Variants in SNTG1 observed in about 807,000 individuals in gnomAD.
SNTG1 encodes the protein gamma-1-syntrophin.
Under a neutral mutation model 74.7 loss-of-function variants are expected in SNTG1, and 39 were observed. The ratio of observed to expected loss-of-function variants is 0.52; its 90% CI spans 0.40 to 0.68. The LOEUF (loss-of-function observed/expected upper bound fraction) is 0.68. Ranked by LOEUF, SNTG1 falls within the 30% of genes least tolerant of loss-of-function variation. SNTG1 has a pLI of 0.00. For synonymous variants in SNTG1, 254 were observed against 217.1 expected (o/e 1.17, Z -1.49); for missense variants, 685 against 609.5 (o/e 1.12, Z -1.30).
At chr8:50,613,907 A>G (rs972356680) in intron 13 of SNTG1, among the ~76,000 whole-genome samples, 1 of 152,146 alleles carries the variant, frequency 6.6e-6, no homozygotes, top group Non-Finnish European at 1.5e-5. Context: ...TTGTAAAATA[A>G]AACACTCACA....
chr8:50,380,956 C>G (rs1236604727), intron 2 of SNTG1: 1 of 152,114 alleles, frequency 6.6e-6, no homozygotes, highest in Non-Finnish European at 1.5e-5. Context: ...CAGGCTGTTA[C>G]CATTGTTTGT....
chr8:50,627,229 G>A (rs1053719730), intron 13 of SNTG1, among the ~76,000 whole-genome samples: 2 of 152,122 alleles, frequency 1.3e-5, no homozygotes, highest in African/African-American at 2.4e-5. Context: ...GTATTACAAA[G>A]TTGAGTTTTG....
At chr8:49,923,108 T>C (rs1806702787) in intron 1 of SNTG1, among the ~76,000 whole-genome samples, 1 of 152,154 alleles carries the variant, frequency 6.6e-6, no homozygotes, top group African/African-American at 2.4e-5. Flanking sequence ...CTACATACCA[T>C]TCTACCGAAT....
At chr8:49,954,824 T>C (rs966401047) in intron 1 of SNTG1, among the ~76,000 whole-genome samples, 2 of 152,174 alleles carry the variant, frequency 1.3e-5, no homozygotes, top group Non-Finnish European at 2.9e-5. Context: ...ATTGTATTAC[T>C]CCAAAGAAGA....
At chr8:50,714,148 T>A in intron 17 of SNTG1, among the ~76,000 whole-genome samples, 1 of 151,914 alleles carries the variant, frequency 6.6e-6, no homozygotes, top group East Asian at 1.9e-4. Flanking sequence ...TGACTGTAGA[T>A]GTGTGGTGTT....
intron 1 of SNTG1, among the ~76,000 whole-genome samples, chr8:50,136,085 G>T (rs1374015765): frequency 6.6e-6 from 1 of 152,112 alleles, no homozygotes; most frequent in Non-Finnish European, 1.5e-5. Context: ...ACATGATCTT[G>T]TTCCTTTTTT....
intron 1 of SNTG1, among the ~76,000 whole-genome samples, chr8:50,006,714 G>A (rs318919): frequency 0.1 from 15,290 of 152,188 alleles, 2,017 homozygotes; most frequent in African/African-American, 0.3. Flanking sequence ...CCCTACTGAT[G>A]CTGCTTTGGG....
intron 1 of SNTG1, among the ~76,000 whole-genome samples, chr8:49,925,496 G>A (rs1442209461): frequency 6.6e-6 from 1 of 152,118 alleles, no homozygotes; most frequent in Admixed American, 6.5e-5. Flanking sequence ...GGAGTTCTGT[G>A]TGGTTTATCC....
In SNTG1 at chr8:50,780,953, C is replaced by T. The variant is rs532642698; in HGVS notation, c.1396-11718C>T. ...AACATCTTTATTTCTGCCTTTATTT[C>T]ATTACGTACCGAGTAGTCATTCAGG... On this transcript the variant is annotated intron_variant, in intron 18 of 18. Coordinates refer to ENST00000642720, the MANE Select transcript of SNTG1 (RefSeq NM_018967.5). 3.7e-3 allele frequency among the ~76,000 whole-genome samples: 565 copies of T among 152,210 alleles called. 4 individuals carry two copies. Among genetic ancestry groups the T allele is most frequent in the African/African-American group, 0.013 (523 of 41,528 alleles).
At chr8:50,696,053 A>G (rs1355098729) in intron 15 of SNTG1, among the ~76,000 whole-genome samples, 2 of 152,006 alleles carry the variant, frequency 1.3e-5, no homozygotes, top group African/African-American at 4.8e-5. Context: ...ATTGTTTTCC[A>G]TAAAGTTTGT....
intron 1 of SNTG1, among the ~76,000 whole-genome samples, chr8:49,967,561 C>G (rs1041362391): frequency 3.4e-5 from 5 of 147,416 alleles, no homozygotes; most frequent in Non-Finnish European, 5.9e-5. Flanking sequence ...AATATATAAA[C>G]TTTGTTTTAA....
At chr8:50,191,249 T>C (rs2083562596) in intron 2 of SNTG1, among the ~76,000 whole-genome samples, 2 of 140,228 alleles carry the variant, frequency 1.4e-5, no homozygotes, top group Admixed American at 7.1e-5. Flanking sequence ...ATACAGCCAT[T>C]TGGTAATGGT....
intron 2 of SNTG1, among the ~76,000 whole-genome samples, chr8:50,338,146 T>A (rs948073051): frequency 2.1e-3 from 313 of 149,442 alleles, no homozygotes; most frequent in Non-Finnish European, 3.8e-3. Context: ...AAAAAATAAA[T>A]AAATAAAAAT....
At chr8:50,421,089 T>C (rs1040968760) in intron 4 of SNTG1, among the ~76,000 whole-genome samples, 16 of 125,700 alleles carry the variant, frequency 1.3e-4, no homozygotes, top group Non-Finnish European at 2.7e-4. Flanking sequence ...TAAATGAAAG[T>C]AAGGTTTCTA....
intron 1 of SNTG1, among the ~76,000 whole-genome samples, chr8:49,951,895 A>AC (rs1809751399): frequency 6.8e-6 from 1 of 147,060 alleles, no homozygotes; most frequent in African/African-American, 2.5e-5. Flanking sequence ...AAAAAAAAAA[A>AC]AAAAAAAAAG....
intron 11 of SNTG1, among the ~76,000 whole-genome samples, chr8:50,543,361 G>A (rs886469503): frequency 1.3e-5 from 2 of 152,118 alleles, no homozygotes; most frequent in South Asian, 4.1e-4. Flanking sequence ...TGCCACCTTT[G>A]TTGAATGTGA....
rs112671827 is a variant in SNTG1 at position 50,115,006 on chromosome 8, G to C, written c.-102-57555G>C. On this transcript the variant is annotated intron_variant, in intron 1 of 18. Transcript: ENST00000642720. ...CATGTTGGACACCTTGAATATATAT[G>C]ACATGTACTTGTCAATTAAATATGT... is the stretch of plus-strand genomic sequence containing the variant. 7.2e-5 allele frequency among the ~76,000 whole-genome samples: 11 copies of C among 152,198 alleles called. 1 individual carries two copies. The highest frequency in any genetic ancestry group is 2.4e-4 in the African/African-American group (10 of 41,552).
chr8:50,535,661 T>G (rs1479013182), intron 10 of SNTG1, among the ~76,000 whole-genome samples: 1 of 152,192 alleles, frequency 6.6e-6, no homozygotes, highest in Non-Finnish European at 1.5e-5. Context: ...CTGCCACAAT[T>G]AACATAAAAT....
chr8:50,651,322 G>T (rs1479221919), intron 13 of SNTG1, among the ~76,000 whole-genome samples: 2 of 150,824 alleles, frequency 1.3e-5, no homozygotes, highest in Non-Finnish European at 2.9e-5. Flanking sequence ...TAGATTCCTG[G>T]ATTACAGATG....
Sources: gnomAD v4.1 joint callset for allele counts (sites outside exome capture counted in the v4.1 genomes callset) on GRCh38, gnomAD v4.1.1 for gene constraint, MANE v1.5 for transcripts, NCBI Gene and HGNC (gene_info 2026-07-23, HGNC 2026-07-21) for gene names.